The following TRIQK variants were observed in gnomAD, a reference collection of about 807,000 sequenced individuals.
TRIQK encodes the protein triple QxxK/R motif-containing protein.
TRIQK carries 10 observed loss-of-function variants against 10.8 expected under a neutral mutation model. The observed-to-expected ratio is 0.92, with a 90% confidence interval of 0.57 to 1.57. The LOEUF is 1.57. Among genes scored for constraint, TRIQK ranks in the 40% most tolerant of loss-of-function variants. The pLI is 0.00. For missense variants in TRIQK, 107 were observed against 97.7 expected (o/e 1.09, Z -0.40); for synonymous variants, 33 against 33.7 (o/e 0.98, Z 0.07).
chr8:92,958,286 C>G (rs1425626704), intron 1 of TRIQK, among the ~76,000 whole-genome samples: 2 of 151,910 alleles, frequency 1.3e-5, no homozygotes, highest in African/African-American at 4.8e-5. Flanking sequence ...CCTTGTCTAA[C>G]TTGAATTCAT....
At chr8:92,928,844 G>A (rs984426482) in intron 2 of TRIQK, among the ~76,000 whole-genome samples, 1 of 152,152 alleles carries the variant, frequency 6.6e-6, no homozygotes, top group African/African-American at 2.4e-5. Context: ...AACATAAAAG[G>A]ATTTAGTGCA....
At chr8:92,929,429 A>C (rs1297730464) in intron 2 of TRIQK, 2 of 152,192 alleles carry the variant, frequency 1.3e-5, no homozygotes, top group East Asian at 3.9e-4. Context: ...ATCTAAACAT[A>C]ATTATGTCAC....
chr8:93,012,240 T>G (rs540012378), intron 1 of TRIQK, among the ~76,000 whole-genome samples: 1 of 152,200 alleles, frequency 6.6e-6, no homozygotes, highest in Non-Finnish European at 1.5e-5. Flanking sequence ...GTTCAGCTTT[T>G]TCTTTTTGGC....
At chr8:92,907,893 AAAT>A (rs1439155846) in intron 3 of TRIQK, among the ~76,000 whole-genome samples, 4 of 152,146 alleles carry the variant, frequency 2.6e-5, no homozygotes, top group Non-Finnish European at 5.9e-5. Context: ...TATTTAATAA[AAAT>A]AATAACTATT....
At chr8:92,995,235 G>C (rs1043430191) in intron 1 of TRIQK, among the ~76,000 whole-genome samples, 1 of 151,984 alleles carries the variant, frequency 6.6e-6, no homozygotes, top group East Asian at 1.9e-4. Context: ...CTTAATGCCT[G>C]TTATCCCGCT....
chr8:92,997,189 G>A (rs1813161175), intron 1 of TRIQK, among the ~76,000 whole-genome samples: 1 of 151,964 alleles, frequency 6.6e-6, no homozygotes, highest in African/African-American at 2.4e-5. Context: ...ACTGAGAGAG[G>A]AGGTCCACAG....
chr8:92,950,637 C>G (rs1233715565), intron 2 of TRIQK, among the ~76,000 whole-genome samples: 3 of 152,048 alleles, frequency 2.0e-5, no homozygotes, highest in Non-Finnish European at 4.4e-5. Flanking sequence ...AGAGCAATAG[C>G]CTGACTTTAG....
intron 2 of TRIQK, among the ~76,000 whole-genome samples, chr8:92,939,107 A>T (rs1310327110): frequency 6.6e-6 from 1 of 152,186 alleles, no homozygotes; most frequent in Non-Finnish European, 1.5e-5. Context: ...CTTTTAAAAC[A>T]ATTGGGGCTT....
intron 3 of TRIQK, among the ~76,000 whole-genome samples, chr8:92,896,025 G>T (rs976357283): frequency 1.5e-4 from 23 of 152,130 alleles, no homozygotes; most frequent in African/African-American, 5.3e-4. Flanking sequence ...CTATTCATCA[G>T]GACAATGAGA....
intron 3 of TRIQK, among the ~76,000 whole-genome samples, chr8:92,896,091 C>A (rs1808579045): frequency 6.6e-6 from 1 of 152,124 alleles, no homozygotes; most frequent in Non-Finnish European, 1.5e-5. Flanking sequence ...CAAAATAGAT[C>A]CAGAAGATCT....
intron 1 of TRIQK, among the ~76,000 whole-genome samples, chr8:93,012,423 G>A (rs1434538426): frequency 6.6e-6 from 1 of 152,086 alleles, no homozygotes; most frequent in Non-Finnish European, 1.5e-5. Flanking sequence ...GGTGTTTGCA[G>A]TCATATGTAG....
At chr8:92,888,451 T>G (rs992104339) in intron 4 of TRIQK, among the ~76,000 whole-genome samples, 1 of 151,646 alleles carries the variant, frequency 6.6e-6, no homozygotes, top group Non-Finnish European at 1.5e-5. Context: ...ATCTGTTCAA[T>G]GTACAGTGTG....
chr8:92,993,652 C>T (rs1038005915), intron 1 of TRIQK, among the ~76,000 whole-genome samples: 3 of 152,114 alleles, frequency 2.0e-5, no homozygotes, highest in African/African-American at 7.2e-5. Flanking sequence ...ATATCTGCAC[C>T]GGTGGGCAAA....
rs963303493 is a variant in TRIQK, at chr8:92,910,454, T to C, written c.61+6475A>G. Among the ~76,000 whole-genome samples, 7 of 151,118 alleles carry C rather than the reference T, an allele frequency of 4.6e-5. No homozygotes were observed. The South Asian group carries it at 1.5e-3, about 31-fold the overall frequency. On this transcript the variant is annotated intron_variant, in intron 3 of 4. Transcript: ENST00000521988. The stretch of plus-strand genomic sequence containing the variant: ...TCAAGAAAAAAGGTTAGAGCGGAGA[T>C]TAGCAAAGGAAAAATCACTACAAAT...
chr8:92,895,518 T>C (rs1007801114), intron 3 of TRIQK, among the ~76,000 whole-genome samples: 6 of 152,132 alleles, frequency 3.9e-5, no homozygotes, highest in Non-Finnish European at 7.3e-5. Flanking sequence ...AATGGTGAGA[T>C]GTAAGGAAAG....
chr8:92,905,498 G>A (rs962116087), intron 3 of TRIQK, among the ~76,000 whole-genome samples: 19 of 152,098 alleles, frequency 1.2e-4, no homozygotes, highest in Admixed American at 8.5e-4. Context: ...CAATTGCGAT[G>A]GAGTATATAA....
chr8:92,965,155 G>A (rs1031777766), intron 1 of TRIQK: 1 of 152,092 alleles, frequency 6.6e-6, no homozygotes, highest in African/African-American at 2.4e-5. Context: ...TACAGGTTTA[G>A]CACACCTCTC....
chr8:92,911,961 A>G (rs1453520003), intron 3 of TRIQK, among the ~76,000 whole-genome samples: 1 of 150,540 alleles, frequency 6.6e-6, no homozygotes, highest in Non-Finnish European at 1.5e-5. Flanking sequence ...TAAAACAGCC[A>G]TGGAACTGAA....
chr8:92,900,348 C>T (rs925249574), intron 3 of TRIQK, among the ~76,000 whole-genome samples: 15 of 152,056 alleles, frequency 9.9e-5, no homozygotes, highest in Admixed American at 7.9e-4. Context: ...GAGAGTTTCC[C>T]CAATGATTTC....
Sources: allele counts gnomAD v4.1 joint callset (sites outside exome capture counted in the v4.1 genomes callset), GRCh38; gene constraint gnomAD v4.1.1; transcripts MANE v1.5; gene names NCBI Gene and HGNC (gene_info 2026-07-23, HGNC 2026-07-21).